The following CYBRD1 variants were observed in gnomAD, a reference collection of about 807,000 sequenced individuals.
CYBRD1 encodes the protein cytochrome b reductase 1.
In CYBRD1, 14 loss-of-function variants were observed where a neutral mutation model predicts 21.9. The ratio of observed to expected loss-of-function variants is 0.64; its 90% CI spans 0.42 to 1.00. The LOEUF (loss-of-function observed/expected upper bound fraction) is 1.00. Ranked by LOEUF, CYBRD1 falls within the 50% of genes least tolerant of loss-of-function variation. CYBRD1 has a pLI of 0.00. For missense variants in CYBRD1, 328 were observed against 352.5 expected (o/e 0.93, Z 0.56); for synonymous variants, 146 against 136.5 (o/e 1.07, Z -0.48).
intron 1 of CYBRD1, among the ~76,000 whole-genome samples, chr2:171,531,431 G>A (rs1026881791): frequency 1.3e-5 from 2 of 151,956 alleles, no homozygotes; most frequent in African/African-American, 2.4e-5. Flanking sequence ...GGTTGGACAC[G>A]AGTTATGGTT....
chr2:171,553,419 A>G lies in CYBRD1; in HGVS notation c.476A>G (p.His159Arg). 1.9e-6 allele frequency: 3 copies of G among 1,613,684 alleles called. No individual in the cohort carries two copies. Among genetic ancestry groups the G allele is most frequent in the Non-Finnish European group, 2.5e-6 (3 of 1,179,776 alleles). The change falls in exon 3 of 4, where the codon CAT becomes CGT. Residue 159 changes from histidine to arginine, a missense_variant. By Grantham distance (29) the His-to-Arg change is conservative. Transcript: ENST00000321348. ...LSLRAFLMPI[H>R]VYSGIVIFGT... is the part of the protein sequence containing the mutation. ...CTCCGAGCATTTCTCATGCCCATAC[A>G]TGTTTATTCTGGAATTGTCATCTTT...
chr2:171,550,947 C>G (rs1000065603), intron 2 of CYBRD1: 2 of 190,412 alleles, frequency 1.1e-5, no homozygotes, highest in African/African-American at 4.7e-5. Flanking sequence ...GCCCCATTTT[C>G]TTTTCCTTTC....
intron 1 of CYBRD1, among the ~76,000 whole-genome samples, chr2:171,532,779 C>T (rs1313007152): frequency 4.0e-5 from 6 of 150,554 alleles, no homozygotes; most frequent in African/African-American, 1.5e-4. Context: ...CCAGCTTGGG[C>T]GACATAGTGA....
At chr2:171,545,280 C>T (rs1297045685) in intron 2 of CYBRD1, among the ~76,000 whole-genome samples, 1 of 151,984 alleles carries the variant, frequency 6.6e-6, no homozygotes, top group African/African-American at 2.4e-5. Flanking sequence ...TTTCCTCCTA[C>T]CCCTGTTTGT....
At chr2:171,537,660 T>C (rs1301536955) in intron 1 of CYBRD1, among the ~76,000 whole-genome samples, 1 of 152,212 alleles carries the variant, frequency 6.6e-6, no homozygotes, top group Non-Finnish European at 1.5e-5. Flanking sequence ...CATAGTTATA[T>C]AAGGTGTTAG....
At position 171,556,757 on chromosome 2, in the gene CYBRD1, G is replaced by T. The variant is rs2542938; in HGVS notation, c.*1930G>T. ...TACCCAGCCCTCTGCCTGGCACAAA[G>T]TGGTAGCACAATTAAATTCAGTATG... On this transcript the variant is annotated 3_prime_UTR_variant, in exon 4 of 4. Coordinates refer to ENST00000321348, the MANE Select transcript of CYBRD1 (RefSeq NM_024843.4). 6.6e-6 allele frequency: 1 copy of T among 151,976 alleles called. No individual in the cohort carries two copies. The highest frequency in any genetic ancestry group is 2.4e-5 in the African/African-American group (1 of 41,366). The allele number at this position is 151,976 out of a possible 1,614,324, so 9.4% of individuals were successfully genotyped here. A position where few individuals can be genotyped will look rare whatever the true frequency, so the allele number is the denominator to read the frequency against.
At chr2:171,532,875 A>G (rs904422020) in intron 1 of CYBRD1, among the ~76,000 whole-genome samples, 1 of 147,300 alleles carries the variant, frequency 6.8e-6, no homozygotes, top group Non-Finnish European at 1.5e-5. Flanking sequence ...CCATTTCACG[A>G]TGTGTGTGTG....
intron 1 of CYBRD1, among the ~76,000 whole-genome samples, chr2:171,524,939 CT>C (rs1241366463): frequency 6.6e-6 from 1 of 152,074 alleles, no homozygotes; most frequent in Non-Finnish European, 1.5e-5. Flanking sequence ...AATCTTGTTT[CT>C]TTTTTTCTTT....
chr2:171,526,439 T>C (rs1245004061), intron 1 of CYBRD1, among the ~76,000 whole-genome samples: 2 of 151,158 alleles, frequency 1.3e-5, no homozygotes, highest in Non-Finnish European at 2.9e-5. Flanking sequence ...CTCCCCTCCT[T>C]TCCCCCTCTC....
chr2:171,541,511 G>A, intron 1 of CYBRD1, 74 bp from the exon 2 acceptor site: 1 of 1,426,000 alleles, frequency 7.0e-7, no homozygotes, highest in South Asian at 1.2e-5. Context: ...AGTGTCCAGT[G>A]TGTCAAACTG....
upstream of CYBRD1, chr2:171,522,302 C>G: frequency 6.5e-7 from 1 of 1,542,112 alleles, no homozygotes; most frequent in South Asian, 1.2e-5. The surrounding 1 kb of genome is among the most constrained non-coding windows in gnomAD (Gnocchi z 4.3). Flanking sequence ...GTGAGGCCAC[C>G]AGGCAATGAG....
In CYBRD1 at chr2:171,555,093, C is replaced by T. The variant is rs1037914169; in HGVS notation, c.*266C>T. ...TGAGGACCACAACATTAGCACGGTG[C>T]CTTGTGCAGAATAGATACTCAATAT... On this transcript the variant is annotated 3_prime_UTR_variant, in exon 4 of 4. Coordinates refer to ENST00000321348, the MANE Select transcript of CYBRD1 (RefSeq NM_024843.4). 4.1e-6 allele frequency: 2 copies of T among 486,706 alleles called. No homozygotes were observed. 30.1% of individuals were successfully genotyped at this position (486,706 alleles called of 1,614,324 possible). A position where few individuals can be genotyped will look rare whatever the true frequency, so the allele number is the denominator to read the frequency against.
intron 2 of CYBRD1, among the ~76,000 whole-genome samples, chr2:171,552,986 CA>C (rs1683404276): frequency 6.6e-6 from 1 of 152,068 alleles, no homozygotes; most frequent in African/African-American, 2.4e-5. Context: ...AAAAACCAAA[CA>C]GAAACATCCA....
rs1038801618 is a variant in CYBRD1, at chr2:171,554,648, A to G, written c.682A>G (p.Lys228Glu). ...CACCAGACCGCAATGGAAACGTCCT[A>G]AGGAGCCAAATTCTACCATTCTTCA... ...IVTRPQWKRP[K>E]EPNSTILHPN... is the part of the protein sequence containing the mutation. The change falls in exon 4 of 4, where the codon AAG (lysine) becomes GAG (glutamate). Residue 228 changes from lysine to glutamate, a missense_variant. Transcript: ENST00000321348. The G allele has an allele frequency of 9.9e-6, 16 of 1,613,942 alleles. No homozygotes were observed. The highest frequency in any genetic ancestry group is 1.4e-5 in the Non-Finnish European group (16 of 1,179,996).
At position 171,555,001 on chromosome 2, in the gene CYBRD1, T is replaced by C. The variant is rs1683457819; in HGVS notation, c.*174T>C. 2 of 679,170 alleles carry C rather than the reference T, an allele frequency of 2.9e-6. No individual in the cohort carries two copies. The highest frequency in any genetic ancestry group is 2.5e-6 in the Non-Finnish European group (1 of 401,672). 42.1% of individuals were successfully genotyped at this position (679,170 alleles called of 1,614,324 possible). On this transcript the variant is annotated 3_prime_UTR_variant, in exon 4 of 4. Coordinates refer to ENST00000321348, the MANE Select transcript of CYBRD1 (RefSeq NM_024843.4). ...ATTGAGGCCTATGAACTGACCTGAA[T>C]TGGAAAGGATGTGATTAATATAAAT...
chr2:171,525,871 C>T (rs370166810), intron 1 of CYBRD1, among the ~76,000 whole-genome samples: 14 of 147,938 alleles, frequency 9.5e-5, no homozygotes, highest in African/African-American at 3.5e-4. Flanking sequence ...TGCTTGAACT[C>T]GGGAAACGGA....
intron 2 of CYBRD1, 85 bp from the exon 3 acceptor site, chr2:171,553,261 T>C (rs1683418349): frequency 6.7e-7 from 1 of 1,492,778 alleles, no homozygotes. Context: ...GGTTTTGTCA[T>C]ATTACACATA....
chr2:171,543,285 C>T (rs766444468), intron 2 of CYBRD1, among the ~76,000 whole-genome samples: 17 of 152,314 alleles, frequency 1.1e-4, no homozygotes, highest in Middle Eastern at 3.4e-3. Flanking sequence ...GCAAATTCAG[C>T]TTGATGGCAG....
Position 171,555,568 on chromosome 2 carries a change from A to G in CYBRD1, c.*741A>G, listed in dbSNP as rs182881511. ...TCCAGATGCTAAACTTCTTAGAATG[A>G]AAATATGCTTCAACACTTAAGTAGC... is the stretch of plus-strand genomic sequence containing the variant. On this transcript the variant is annotated 3_prime_UTR_variant, in exon 4 of 4. Coordinates refer to ENST00000321348, the MANE Select transcript of CYBRD1 (RefSeq NM_024843.4). 7.9e-4 allele frequency: 120 copies of G among 152,412 alleles called. No homozygotes were observed. Among genetic ancestry groups the G allele is most frequent in the African/African-American group, 2.8e-3 (115 of 41,574 alleles). The allele number at this position is 152,412 out of a possible 1,614,324, so 9.4% of individuals were successfully genotyped here. A position where few individuals can be genotyped will look rare whatever the true frequency, so the allele number is the denominator to read the frequency against.
Sources: allele counts gnomAD v4.1 joint callset (sites outside exome capture counted in the v4.1 genomes callset), GRCh38; gene constraint gnomAD v4.1.1; non-coding constraint Gnocchi (gnomAD v3.1); transcripts MANE v1.5; gene names NCBI Gene and HGNC (gene_info 2026-07-23, HGNC 2026-07-21).